The following CHST8 variants were observed in gnomAD, a reference collection of about 807,000 sequenced individuals.
The protein encoded by CHST8 is GALNAC-4-ST1.
Under a neutral mutation model 15.0 loss-of-function variants are expected in CHST8, and 10 were observed. That is an observed-to-expected ratio of 0.67 (90% CI 0.41 to 1.13). The LOEUF (loss-of-function observed/expected upper bound fraction) is 1.13, where lower values mean the gene tolerates loss of function less well. Ranked by LOEUF, CHST8 falls within the 50% of genes most tolerant of loss-of-function variation. CHST8 has a pLI of 0.00. For synonymous variants in CHST8, 259 were observed against 256.6 expected, an observed-to-expected ratio of 1.01 and a Z score of -0.09; for missense variants, 634 against 608.2, an observed-to-expected ratio of 1.04 and a Z score of -0.45.
intron 1 of CHST8, among the ~76,000 whole-genome samples, chr19:33,659,586 T>C (rs1388967190): frequency 6.6e-6 from 1 of 152,124 alleles, no homozygotes; most frequent in East Asian, 1.9e-4. Context: ...TGTAATCCCT[T>C]TGGGAGGCCG....
At chr19:33,769,242 C>T (rs1045687397) in intron 3 of CHST8, among the ~76,000 whole-genome samples, 15 of 152,238 alleles carry the variant, frequency 9.9e-5, no homozygotes, top group African/African-American at 3.6e-4. Flanking sequence ...CTTCCATCTT[C>T]CCCCCGACTG....
intron 3 of CHST8, among the ~76,000 whole-genome samples, chr19:33,691,698 G>GT (rs2145261144): frequency 6.6e-6 from 1 of 152,348 alleles, no homozygotes; most frequent in South Asian, 2.1e-4. Context: ...CTTACAAAGT[G>GT]TATGTGTCCA....
intron 3 of CHST8, among the ~76,000 whole-genome samples, chr19:33,724,947 C>T (rs1430750307): frequency 1.3e-5 from 2 of 152,238 alleles, no homozygotes; most frequent in African/African-American, 2.4e-5. Flanking sequence ...CCTGGAGGAT[C>T]GACCCAGCAG....
intron 2 of CHST8, among the ~76,000 whole-genome samples, chr19:33,671,449 TC>T (rs1484797701): frequency 6.6e-6 from 1 of 152,076 alleles, no homozygotes; most frequent in Non-Finnish European, 1.5e-5. Flanking sequence ...TCAGAGAGTG[TC>T]CTCCCTCTGC....
chr19:33,707,587 A>G (rs1973471755), intron 3 of CHST8, among the ~76,000 whole-genome samples: 1 of 152,156 alleles, frequency 6.6e-6, no homozygotes, highest in Non-Finnish European at 1.5e-5. Context: ...ATTTACTCAT[A>G]TCAGTTTGTT....
intron 2 of CHST8, among the ~76,000 whole-genome samples, chr19:33,669,833 T>A (rs1302400437): frequency 6.6e-6 from 1 of 152,230 alleles, no homozygotes; most frequent in Non-Finnish European, 1.5e-5. Flanking sequence ...AACGTAGATA[T>A]GCATGAGGCA....
chr19:33,649,763 C>T (rs1391898736), intron 1 of CHST8, among the ~76,000 whole-genome samples: 1 of 152,160 alleles, frequency 6.6e-6, no homozygotes, highest in African/African-American at 2.4e-5. Context: ...TGGGTAGTCT[C>T]TTATTAGGAG....
chr19:33,664,006 C>G (rs1972618743), intron 1 of CHST8, among the ~76,000 whole-genome samples: 1 of 152,124 alleles, frequency 6.6e-6, no homozygotes, highest in South Asian at 2.1e-4. Context: ...CCATTTATGG[C>G]AAAAACACAC....
chr19:33,675,993 C>T (rs779150322), intron 2 of CHST8, among the ~76,000 whole-genome samples: 39 of 152,282 alleles, frequency 2.6e-4, no homozygotes, highest in Non-Finnish European at 4.4e-4. Flanking sequence ...CCTTAAGCCT[C>T]ATGTCCATTC....
intron 2 of CHST8, among the ~76,000 whole-genome samples, chr19:33,671,073 A>G (rs1274480936): frequency 6.6e-6 from 1 of 152,028 alleles, no homozygotes; most frequent in Admixed American, 6.6e-5. Context: ...ACTCACATAT[A>G]ACGAGCAGCT....
At chr19:33,720,297 C>CCA (rs758037697) in intron 3 of CHST8, among the ~76,000 whole-genome samples, 1 of 151,364 alleles carries the variant, frequency 6.6e-6, no homozygotes, top group Non-Finnish European at 1.5e-5. Flanking sequence ...ATACACACTC[C>CCA]CACACACACA....
chr19:33,679,467 GAAGT>G (rs1972857098), intron 2 of CHST8, among the ~76,000 whole-genome samples: 1 of 152,218 alleles, frequency 6.6e-6, no homozygotes, highest in African/African-American at 2.4e-5. Context: ...TAATTGCCAA[GAAGT>G]AAGTGTGTAT....
At chr19:33,751,589 C>T (rs538031800) in intron 3 of CHST8, among the ~76,000 whole-genome samples, 142 of 152,264 alleles carry the variant, frequency 9.3e-4, no homozygotes, top group African/African-American at 3.2e-3. Flanking sequence ...GTTCTGTGAA[C>T]CCCCCAGCCT....
chr19:33,710,532 C>G (rs1214439225), intron 3 of CHST8, among the ~76,000 whole-genome samples: 1 of 152,210 alleles, frequency 6.6e-6, no homozygotes, highest in African/African-American at 2.4e-5. Context: ...AAATTTTCCT[C>G]TAAGCACTGT....
chr19:33,686,902 C>T (rs949653146), intron 2 of CHST8, among the ~76,000 whole-genome samples: 1 of 152,228 alleles, frequency 6.6e-6, no homozygotes, highest in East Asian at 1.9e-4. Context: ...TCCGTGGGTG[C>T]GGTGCACATG....
rs1568358782 is a variant in CHST8 at position 33,757,524 on chromosome 19, GAA to G, written c.131-13887_131-13886del. Among the ~76,000 whole-genome samples, 181 of 19,228 alleles carry G rather than the reference GAA, an allele frequency of 9.4e-3. 17 individuals are homozygous for G. The highest frequency in any genetic ancestry group is 0.059 in the Middle Eastern group (2 of 34). The allele number at this position is 19,228 out of a possible 152,430, so 12.6% of individuals were successfully genotyped here. Reference sequence around the variant, plus strand: ...AAAGAAAGAAAGAAAGAAAGAAAGAGAAAGAAAGAAAGAAAGAAAGAAAGAAA... The same window carrying G: ...AAAGAAAGAAAGAAAGAAAGAAAGAGAGAAAGAAAGAAAGAAAGAAAGAAA... On this transcript the variant is annotated intron_variant, in intron 3 of 4. Coordinates refer to ENST00000650847, the MANE Select transcript of CHST8 (RefSeq NM_001127895.2).
intron 3 of CHST8, chr19:33,744,346 G>A (rs559160436): frequency 3.9e-5 from 6 of 152,124 alleles, no homozygotes; most frequent in South Asian, 2.1e-4. Flanking sequence ...AGACCTCTGC[G>A]GTGTCTTCAA....
In CHST8 at chr19:33,772,775, C is replaced by G; in HGVS notation, c.987C>G (p.Asp329Glu). The change falls in exon 5 of 5, where the codon GAC becomes GAG. Residue 329 changes from aspartate (D) to glutamate (E), a missense_variant. Transcript: ENST00000650847. ...HRPVGMDIHW[D>E]HVSRLCSPCL... ...CCGTGGGGATGGACATTCACTGGGACCATGTCAGCCGGCTCTGCAGCCCCT... is the reference window on the plus strand; with the variant it reads ...CCGTGGGGATGGACATTCACTGGGAGCATGTCAGCCGGCTCTGCAGCCCCT... 6.2e-7 allele frequency: 1 copy of G among 1,613,460 alleles called. No individual in the cohort carries two copies.
chr19:33,653,593 C>G (rs1385251562), intron 1 of CHST8, among the ~76,000 whole-genome samples: 2 of 152,158 alleles, frequency 1.3e-5, no homozygotes, highest in Non-Finnish European at 2.9e-5. Context: ...ATGCAAGTCA[C>G]ATGTATGAAG....
Sources: allele counts gnomAD v4.1 joint callset (sites outside exome capture counted in the v4.1 genomes callset), GRCh38; gene constraint gnomAD v4.1.1; transcripts MANE v1.5; gene names NCBI Gene and HGNC (gene_info 2026-07-23, HGNC 2026-07-21).